Variants in PXK observed in about 807,000 individuals in gnomAD.
PXK encodes the protein PX domain containing serine/threonine kinase like.
In PXK, 35 loss-of-function variants were observed where a neutral mutation model predicts 84.7. That is an observed-to-expected ratio of 0.41 (90% CI 0.32 to 0.55). The LOEUF (loss-of-function observed/expected upper bound fraction) is 0.55. Ranked by LOEUF, PXK falls within the 20% of genes least tolerant of loss-of-function variation. The pLI is 0.21. For missense variants in PXK, 634 were observed against 699.7 expected, an observed-to-expected ratio of 0.91 and a Z score of 1.06; for synonymous variants, 253 against 260.8, an observed-to-expected ratio of 0.97 and a Z score of 0.29.
At chr3:58,406,813 T>G (rs2059482493) in intron 13 of PXK, among the ~76,000 whole-genome samples, 1 of 152,230 alleles carries the variant, frequency 6.6e-6, no homozygotes, top group African/African-American at 2.4e-5. Context: ...ATATAAGTAT[T>G]TGTCCTTTTG....
intron 1 of PXK, among the ~76,000 whole-genome samples, chr3:58,360,168 C>T (rs2098158661): frequency 6.6e-6 from 1 of 152,108 alleles, no homozygotes; most frequent in Non-Finnish European, 1.5e-5. Flanking sequence ...TGTCACACTA[C>T]ACAAGTCAGT....
At chr3:58,359,141 A>G (rs74867921) in intron 1 of PXK, among the ~76,000 whole-genome samples, 129 of 152,274 alleles carry the variant, frequency 8.5e-4, no homozygotes, top group African/African-American at 2.8e-3. Flanking sequence ...ACTCAAAGCT[A>G]TGTAGTTTAT....
rs751960121 is a variant in PXK, at chr3:58,424,902, A to G, written c.1679A>G (p.Gln560Arg). 49 of 1,614,080 alleles carry G rather than the reference A, an allele frequency of 3.0e-5. No individual in the cohort carries two copies. Among genetic ancestry groups the G allele is most frequent in the Non-Finnish European group, 4.0e-5 (47 of 1,180,044 alleles). Residue 560 changes from glutamine to arginine, a missense_variant, in exon 18 of 18, where the codon CAA (glutamine) becomes CGA (arginine). By Grantham distance (43) the Gln-to-Arg change is conservative. Coordinates refer to ENST00000356151, the MANE Select transcript of PXK (RefSeq NM_017771.5). ...GALLSSIQNF[Q>R]KGTLRKAKTC... Reference sequence around the variant, plus strand: ...TTGCTCAGCTCCATCCAGAATTTCCAAAAAGGAACTTTGAGGAAAGCCAAA... The same window carrying G: ...TTGCTCAGCTCCATCCAGAATTTCCGAAAAGGAACTTTGAGGAAAGCCAAA...
chr3:58,369,292 C>T, intron 2 of PXK, 139 bp from the exon 3 acceptor site: 1 of 552,346 alleles, frequency 1.8e-6, no homozygotes. Context: ...AGTTAAGCAC[C>T]AGGTATAAGC....
In PXK at chr3:58,424,888, C is replaced by T; in HGVS notation, c.1665C>T (p.Ser555=). 1 of 1,614,226 alleles carries T rather than the reference C, an allele frequency of 6.2e-7. No individual in the cohort carries two copies. The highest frequency in any genetic ancestry group is 8.5e-7 in the Non-Finnish European group (1 of 1,180,044). The change falls in exon 18 of 18, where the codon TCC becomes TCT. Residue 555 remains serine, a synonymous_variant. Coordinates refer to ENST00000356151, the MANE Select transcript of PXK (RefSeq NM_017771.5). ...NGMSRGALLS[S]IQNFQKGTLR... is the part of the protein sequence containing the mutation. The stretch of plus-strand genomic sequence containing the variant: ...TGAGCCGAGGGGCCTTGCTCAGCTC[C>T]ATCCAGAATTTCCAAAAAGGAACTT...
chr3:58,346,875 G>A (rs1008104444), intron 1 of PXK, among the ~76,000 whole-genome samples: 2 of 152,110 alleles, frequency 1.3e-5, no homozygotes, highest in Admixed American at 6.5e-5. Flanking sequence ...GTCTGGCTCC[G>A]TCACCCAGGC....
At chr3:58,336,801 C>G (rs1285619819) in intron 1 of PXK, among the ~76,000 whole-genome samples, 1 of 152,066 alleles carries the variant, frequency 6.6e-6, no homozygotes, top group Non-Finnish European at 1.5e-5. Context: ...AGCTTTTCAT[C>G]TCAGTTTTCT....
chr3:58,370,627 A>G lies in PXK; in HGVS notation c.201+1149A>G, dbSNP rs973849785. 1.3e-5 allele frequency among the ~76,000 whole-genome samples: 2 copies of G among 152,212 alleles called. No individual in the cohort carries two copies. The highest frequency in any genetic ancestry group is 2.9e-5 in the Non-Finnish European group (2 of 68,038). On this transcript the variant is annotated intron_variant, in intron 3 of 17. Transcript: ENST00000356151. This position sits in a 1 kb window ranked among gnomAD's most constrained non-coding sequence, Gnocchi z 4.2. ...ACCTCTGATCTTGCCCATAAAGGTC[A>G]GGAGGACTGTGCACTAGGAGGAAGC... is the stretch of plus-strand genomic sequence containing the variant.
chr3:58,358,724 T>G (rs1332448588), intron 1 of PXK, among the ~76,000 whole-genome samples: 1 of 152,150 alleles, frequency 6.6e-6, no homozygotes, highest in Non-Finnish European at 1.5e-5. Flanking sequence ...ACCTAAAATG[T>G]TTCCAGGCAT....
intron 1 of PXK, among the ~76,000 whole-genome samples, chr3:58,343,645 C>T (rs749443739): frequency 3.9e-5 from 6 of 152,246 alleles, no homozygotes; most frequent in Admixed American, 2.6e-4. Flanking sequence ...GCAGCTTGTT[C>T]TGCCTCTTTG....
chr3:58,397,533 C>G lies in PXK; in HGVS notation c.985-72C>G. 7.7e-7 allele frequency: 1 copy of G among 1,291,658 alleles called. No individual in the cohort carries two copies. Among genetic ancestry groups the G allele is most frequent in the Non-Finnish European group, 1.1e-6 (1 of 888,682 alleles). 80.0% of individuals were successfully genotyped at this position (1,291,658 alleles called of 1,614,324 possible). ...CCTGGGCTTTGTTTCTCAGAGAAGC[C>G]TTGGGGCAGGAGCGCGAGGGTCCAC... is the stretch of plus-strand genomic sequence containing the variant. On this transcript the variant is annotated intron_variant, in intron 10 of 17. Transcript: ENST00000356151. The surrounding 1 kb of genome is among the most constrained non-coding windows in gnomAD (Gnocchi z 4.7).
chr3:58,391,293 A>G (rs2106875521), intron 6 of PXK, 73 bp downstream of exon 6: 6 of 1,329,192 alleles, frequency 4.5e-6, no homozygotes, highest in Middle Eastern at 1.8e-4. Context: ...TGACAAGAGA[A>G]TTACAAAATT....
chr3:58,386,735 T>C (rs62258095), intron 4 of PXK, among the ~76,000 whole-genome samples: 35,887 of 152,100 alleles, frequency 0.24, 5,948 homozygotes, highest in East Asian at 0.8. Context: ...GAACCAGAAA[T>C]CAAGAGGCCT....
intron 7 of PXK, 152 bp downstream of exon 7, chr3:58,391,999 T>C: frequency 3.0e-6 from 2 of 659,194 alleles, no homozygotes; most frequent in Non-Finnish European, 5.2e-6. Flanking sequence ...ATCTCTTAGA[T>C]CATAGGCTAT....
Position 58,332,901 on chromosome 3 carries a change from G to C in PXK, c.-88G>C. On this transcript the variant is annotated 5_prime_UTR_variant, in exon 1 of 18. Coordinates refer to ENST00000356151, the MANE Select transcript of PXK (RefSeq NM_017771.5). This position sits in a 1 kb window ranked among gnomAD's most constrained non-coding sequence, Gnocchi z 5.6. ...GCGTGGGGCGGCGCGTGTTGACAGC[G>C]GCGGCGGTGGAACCGGGCGGGCGGC... is the stretch of plus-strand genomic sequence containing the variant. 6.1e-6 allele frequency: 5 copies of C among 825,746 alleles called. No homozygotes were observed. The South Asian group carries it at 1.8e-4, about 29-fold the overall frequency. 51.2% of individuals were successfully genotyped at this position (825,746 alleles called of 1,614,324 possible). A position where few individuals can be genotyped will look rare whatever the true frequency, so the allele number is the denominator to read the frequency against.
chr3:58,353,732 G>A (rs1288915286), intron 1 of PXK, among the ~76,000 whole-genome samples: 2 of 152,198 alleles, frequency 1.3e-5, no homozygotes, highest in Non-Finnish European at 2.9e-5. Context: ...TGTGCTGTGT[G>A]ACACTGTGAT....
chr3:58,359,592 G>A (rs1342175720), intron 1 of PXK, among the ~76,000 whole-genome samples: 3 of 151,720 alleles, frequency 2.0e-5, no homozygotes, highest in African/African-American at 4.8e-5. Flanking sequence ...TGCGCAAAGT[G>A]ATTTTTGTGA....
At chr3:58,413,309 C>G (rs747703713) in intron 17 of PXK, 61 of 287,874 alleles carry the variant, frequency 2.1e-4, no homozygotes, top group Middle Eastern at 1.2e-3. Context: ...CCAGGGGTCC[C>G]GTCCTGCCAG....
chr3:58,358,594 T>G (rs2108275549), intron 1 of PXK, among the ~76,000 whole-genome samples: 1 of 152,240 alleles, frequency 6.6e-6, no homozygotes, highest in Admixed American at 6.5e-5. Flanking sequence ...TTCTCAACCT[T>G]GGTACTTTGA....
Sources: gnomAD v4.1 joint callset for allele counts (sites outside exome capture counted in the v4.1 genomes callset) on GRCh38, gnomAD v4.1.1 for gene constraint, Gnocchi (gnomAD v3.1) non-coding constraint, MANE v1.5 for transcripts, NCBI Gene and HGNC (gene_info 2026-07-23, HGNC 2026-07-21) for gene names.